Variants in CADM2 observed in about 807,000 individuals in gnomAD.
CADM2 encodes immunoglobulin superfamily member 4D.
CADM2 carries 12 observed loss-of-function variants against 49.8 expected under a neutral mutation model. The ratio of observed to expected loss-of-function variants is 0.24; its 90% CI spans 0.15 to 0.39. CADM2 has a LOEUF of 0.39. Among genes scored for constraint, CADM2 ranks in the 10% least tolerant of loss-of-function variants. The pLI is 1.00. For synonymous variants in CADM2, 214 were observed against 175.4 expected, an observed-to-expected ratio of 1.22 and a Z score of -1.74; for missense variants, 378 against 492.3, an observed-to-expected ratio of 0.77 and a Z score of 2.20.
intron 1 of CADM2, among the ~76,000 whole-genome samples, chr3:85,302,056 G>C (rs2044113850): frequency 6.6e-6 from 1 of 151,940 alleles, no homozygotes; most frequent in South Asian, 2.1e-4. Context: ...ACTGAACAGT[G>C]TATTCTAATA....
At chr3:85,577,984 TTTCCTTCCTTCCTTCCTTCC>T (rs35676169) in intron 1 of CADM2, among the ~76,000 whole-genome samples, 10 of 134,266 alleles carry the variant, frequency 7.4e-5, no homozygotes, top group South Asian at 5.5e-4. Context: ...TATTAATCTC[TTTCCTTCCTTCCTTCCTTCC>T]TTCCTTCCTT....
At chr3:85,079,357 G>A (rs1264410884) in intron 1 of CADM2, among the ~76,000 whole-genome samples, 1 of 151,678 alleles carries the variant, frequency 6.6e-6, no homozygotes, top group African/African-American at 2.4e-5. Context: ...TTTTGTATGT[G>A]AACTTATAAA....
intron 1 of CADM2, among the ~76,000 whole-genome samples, chr3:85,190,979 T>C (rs986394110): frequency 1.3e-5 from 2 of 152,118 alleles, no homozygotes; most frequent in South Asian, 4.1e-4. Context: ...GTATAATGTA[T>C]AGCAACTTTT....
intron 1 of CADM2, among the ~76,000 whole-genome samples, chr3:85,478,999 A>G (rs2039095836): frequency 6.6e-6 from 1 of 151,768 alleles, no homozygotes; most frequent in South Asian, 2.1e-4. Flanking sequence ...GGCTGAGCAC[A>G]TTGGTGTGAT....
chr3:86,000,595 T>C (rs1730056439), intron 8 of CADM2, among the ~76,000 whole-genome samples: 1 of 151,424 alleles, frequency 6.6e-6, no homozygotes, highest in Admixed American at 6.6e-5. Context: ...GAGTAAGATG[T>C]GAAGTTGGGG....
At chr3:85,586,739 C>G (rs561016482) in intron 1 of CADM2, among the ~76,000 whole-genome samples, 1 of 152,046 alleles carries the variant, frequency 6.6e-6, no homozygotes, top group South Asian at 2.1e-4. Context: ...GACCACACAA[C>G]TTCAATAAGT....
intron 1 of CADM2, among the ~76,000 whole-genome samples, chr3:85,472,333 A>C (rs972941129): frequency 2.0e-5 from 3 of 151,984 alleles, no homozygotes; most frequent in African/African-American, 7.2e-5. Flanking sequence ...AACTTTTAAA[A>C]AATTATTTTT....
At chr3:85,306,922 A>G (rs1323990781) in intron 1 of CADM2, among the ~76,000 whole-genome samples, 1 of 151,660 alleles carries the variant, frequency 6.6e-6, no homozygotes, top group Non-Finnish European at 1.5e-5. Context: ...AAGATAGTGC[A>G]TCAACATCCC....
chr3:85,971,003 C>T (rs1726056299), intron 8 of CADM2, among the ~76,000 whole-genome samples: 1 of 151,290 alleles, frequency 6.6e-6, no homozygotes, highest in African/African-American at 2.4e-5. Context: ...AGTTTTTAAT[C>T]ATAAGGATAT....
chr3:85,063,010 G>A (rs1356222136), intron 1 of CADM2, among the ~76,000 whole-genome samples: 1 of 151,862 alleles, frequency 6.6e-6, no homozygotes, highest in Non-Finnish European at 1.5e-5. Context: ...CAGTAACACA[G>A]TTTTCAGGAA....
At chr3:84,995,671 C>G (rs1282605947) in intron 1 of CADM2, among the ~76,000 whole-genome samples, 1 of 152,156 alleles carries the variant, frequency 6.6e-6, no homozygotes, top group Non-Finnish European at 1.5e-5. Context: ...TTACTAAGTA[C>G]TTGCCTACAA....
At chr3:85,107,995 C>A (rs1304801241) in intron 1 of CADM2, among the ~76,000 whole-genome samples, 1 of 152,058 alleles carries the variant, frequency 6.6e-6, no homozygotes, top group African/African-American at 2.4e-5. Flanking sequence ...AGCCTGTTAT[C>A]ATGGTAGGCA....
chr3:85,259,622 G>A (rs1473925038), intron 1 of CADM2, among the ~76,000 whole-genome samples: 1 of 152,062 alleles, frequency 6.6e-6, no homozygotes, highest in Non-Finnish European at 1.5e-5. Flanking sequence ...AAATGTGGTA[G>A]CTCATACATT....
intron 1 of CADM2, among the ~76,000 whole-genome samples, chr3:85,093,258 C>T (rs1360079228): frequency 6.6e-6 from 1 of 152,008 alleles, no homozygotes; most frequent in African/African-American, 2.4e-5. Flanking sequence ...TGGTGGCTCA[C>T]GCTTGTAATC....
chr3:85,986,208 G>T (rs965171430), intron 8 of CADM2, among the ~76,000 whole-genome samples: 1 of 151,006 alleles, frequency 6.6e-6, no homozygotes, highest in Non-Finnish European at 1.5e-5. Context: ...TTTCCTTCTT[G>T]GTTTAAATGC....
chr3:85,173,822 A>G (rs890143149), intron 1 of CADM2, among the ~76,000 whole-genome samples: 6 of 152,192 alleles, frequency 3.9e-5, no homozygotes, highest in African/African-American at 7.2e-5. Context: ...ATCCATACCT[A>G]CGTGTCTTAG....
At chr3:85,766,639 T>A (rs1389137669) in intron 2 of CADM2, among the ~76,000 whole-genome samples, 1 of 152,194 alleles carries the variant, frequency 6.6e-6, no homozygotes, top group Non-Finnish European at 1.5e-5. Flanking sequence ...GAAGGGAAAA[T>A]AAATAATTCT....
chr3:85,678,121 C>T (rs535349454), intron 1 of CADM2, among the ~76,000 whole-genome samples: 1 of 152,284 alleles, frequency 6.6e-6, no homozygotes, highest in Admixed American at 6.5e-5. Flanking sequence ...AGTGAGAAAT[C>T]AGGTGGCTGA....
chr3:85,458,105 G>A (rs577903211), intron 1 of CADM2, among the ~76,000 whole-genome samples: 10 of 152,228 alleles, frequency 6.6e-5, no homozygotes, highest in Admixed American at 3.9e-4. Context: ...GGAAGCAAAC[G>A]CTTGTTCTTT....
Sources: gnomAD v4.1 joint callset for allele counts (sites outside exome capture counted in the v4.1 genomes callset) on GRCh38, gnomAD v4.1.1 for gene constraint, MANE v1.5 for transcripts, NCBI Gene and HGNC (gene_info 2026-07-23, HGNC 2026-07-21) for gene names.